Variants in ATRNL1 observed in about 807,000 individuals in gnomAD.
ATRNL1 encodes the protein attractin like 1.
In ATRNL1, 95 loss-of-function variants were observed where a neutral mutation model predicts 182.7. The ratio of observed to expected loss-of-function variants is 0.52; its 90% CI spans 0.44 to 0.62. The LOEUF (loss-of-function observed/expected upper bound fraction) is 0.62, where lower values mean the gene tolerates loss of function less well. ATRNL1 is among the 20% of genes least tolerant of loss of function. The probability of loss-of-function intolerance (pLI) is 0.00; values close to 1 mark genes in which losing one functional copy is unlikely to be tolerated. For synonymous variants in ATRNL1, 576 were observed against 568.3 expected, an observed-to-expected ratio of 1.01 and a Z score of -0.19; for missense variants, 1,471 against 1,679.5, an observed-to-expected ratio of 0.88 and a Z score of 2.17.
intron 21 of ATRNL1, among the ~76,000 whole-genome samples, chr10:115,445,652 G>A (rs1554966586): frequency 1.3e-5 from 2 of 151,740 alleles, no homozygotes; most frequent in African/African-American, 4.8e-5. Context: ...ATTTTAAAGT[G>A]TACAATTCAG....
chr10:115,514,447 T>C (rs1035830246), intron 24 of ATRNL1, among the ~76,000 whole-genome samples: 1 of 149,768 alleles, frequency 6.7e-6, no homozygotes, highest in African/African-American at 2.5e-5. Flanking sequence ...TCTGGCTACT[T>C]TATTTATTCA....
chr10:115,643,405 G>A (rs1555031176), intron 26 of ATRNL1, among the ~76,000 whole-genome samples: 1 of 152,058 alleles, frequency 6.6e-6, no homozygotes, highest in African/African-American at 2.4e-5. Flanking sequence ...GAAAATCTTT[G>A]TGACCTGGAC....
intron 27 of ATRNL1, among the ~76,000 whole-genome samples, chr10:115,798,156 A>G (rs931490026): frequency 7.9e-5 from 12 of 152,046 alleles, no homozygotes; most frequent in African/African-American, 2.9e-4. Context: ...TGACCTTGTG[A>G]TCCGCCCACC....
intron 24 of ATRNL1, among the ~76,000 whole-genome samples, chr10:115,490,105 A>C (rs1033426992): frequency 3.9e-5 from 6 of 152,082 alleles, no homozygotes; most frequent in Non-Finnish European, 8.8e-5. Context: ...TGTTAGTCTG[A>C]TGGGCTTCCC....
intron 28 of ATRNL1, among the ~76,000 whole-genome samples, chr10:115,881,848 C>A (rs921691809): frequency 2.6e-4 from 40 of 152,196 alleles, no homozygotes; most frequent in African/African-American, 8.9e-4. Context: ...GCTCATCAAT[C>A]TGCTCCAGGA....
chr10:115,424,720 A>C (rs1845805460), intron 20 of ATRNL1, among the ~76,000 whole-genome samples: 1 of 152,138 alleles, frequency 6.6e-6, no homozygotes, highest in South Asian at 2.1e-4. Flanking sequence ...CTCTAAAAAG[A>C]CTGATCTCAT....
At chr10:115,131,467 C>T (rs1326172136) in intron 5 of ATRNL1, among the ~76,000 whole-genome samples, 1 of 152,054 alleles carries the variant, frequency 6.6e-6, no homozygotes, top group African/African-American at 2.4e-5. Flanking sequence ...GTGCCTCAAA[C>T]TGATCCTGAT....
chr10:115,758,960 A>G (rs1244578213), intron 27 of ATRNL1, among the ~76,000 whole-genome samples: 1 of 152,232 alleles, frequency 6.6e-6, no homozygotes, highest in Non-Finnish European at 1.5e-5. Flanking sequence ...TTATAAAAAA[A>G]CTTTTGGTTA....
chr10:115,657,311 A>T (rs1555036249), intron 26 of ATRNL1, among the ~76,000 whole-genome samples: 1 of 152,202 alleles, frequency 6.6e-6, no homozygotes, highest in African/African-American at 2.4e-5. Flanking sequence ...ATGGCTACAG[A>T]TGCTGACAAA....
chr10:115,688,631 T>G (rs1433624180), intron 26 of ATRNL1, among the ~76,000 whole-genome samples: 2 of 152,140 alleles, frequency 1.3e-5, no homozygotes, highest in Non-Finnish European at 2.9e-5. Context: ...AAACAACTAT[T>G]CGTGTCCTTT....
chr10:115,551,848 A>G (rs962734137), intron 26 of ATRNL1, among the ~76,000 whole-genome samples: 1 of 151,454 alleles, frequency 6.6e-6, no homozygotes, highest in Admixed American at 6.6e-5. Context: ...GTCAAAGACA[A>G]TTGCAGTCCA....
intron 26 of ATRNL1, among the ~76,000 whole-genome samples, chr10:115,682,851 T>C (rs1555045147): frequency 1.3e-5 from 2 of 152,108 alleles, no homozygotes; most frequent in Non-Finnish European, 1.5e-5. Context: ...CATTTTTAAG[T>C]ATCACAACAG....
intron 19 of ATRNL1, among the ~76,000 whole-genome samples, chr10:115,337,811 AT>A (rs1855564059): frequency 6.6e-6 from 1 of 152,054 alleles, no homozygotes; most frequent in African/African-American, 2.4e-5. Context: ...AGTCCCCAAC[AT>A]TTTTGGCATC....
chr10:115,781,467 T>C (rs1233853270), intron 27 of ATRNL1, among the ~76,000 whole-genome samples: 5 of 152,234 alleles, frequency 3.3e-5, no homozygotes, highest in African/African-American at 1.2e-4. Context: ...TACATTTTAG[T>C]ATAGTCACAT....
At chr10:115,742,267 A>G (rs1298656647) in intron 27 of ATRNL1, among the ~76,000 whole-genome samples, 1 of 152,142 alleles carries the variant, frequency 6.6e-6, no homozygotes, top group East Asian at 1.9e-4. Context: ...TATTCAAGGG[A>G]AAAAATGTAT....
At position 115,448,854 on chromosome 10, in the gene ATRNL1, C is replaced by CCAACAACAACAA. The variant is rs3981286; in HGVS notation, c.3323-13059_3323-13048dup. Among the ~76,000 whole-genome samples the CCAACAACAACAA allele has an allele frequency of 3.9e-3, 584 of 150,212 alleles. 5 individuals are homozygous for CCAACAACAACAA. The highest frequency in any genetic ancestry group is 0.013 in the African/African-American group (542 of 40,746). Reference sequence around the variant, plus strand: ...TTGCTCCAATGTAATAGCGTGCCAACCAACAACAACAACAACAACAACAAC... The same window carrying CCAACAACAACAA: ...TTGCTCCAATGTAATAGCGTGCCAACCAACAACAACAACAACAACAACAACAACAACAACAAC... On this transcript the variant is annotated intron_variant, in intron 21 of 28. Coordinates refer to ENST00000355044, the MANE Select transcript of ATRNL1 (RefSeq NM_207303.4).
intron 26 of ATRNL1, among the ~76,000 whole-genome samples, chr10:115,720,110 G>A (rs193173038): frequency 9.3e-4 from 142 of 152,120 alleles, no homozygotes; most frequent in African/African-American, 3.2e-3. Context: ...TGATCTGCCC[G>A]CCTTGGCCTC....
intron 25 of ATRNL1, among the ~76,000 whole-genome samples, chr10:115,537,489 C>T (rs1391108721): frequency 1.3e-5 from 2 of 152,122 alleles, no homozygotes; most frequent in African/African-American, 4.8e-5. Flanking sequence ...AACATCAGTT[C>T]TAACTTCTTT....
chr10:115,796,715 A>G (rs1353389587), intron 27 of ATRNL1, among the ~76,000 whole-genome samples: 1 of 152,236 alleles, frequency 6.6e-6, no homozygotes, highest in Non-Finnish European at 1.5e-5. Context: ...AAAGTAAATC[A>G]TAAGCAGTTT....
Sources: gnomAD v4.1 joint callset for allele counts (sites outside exome capture counted in the v4.1 genomes callset) on GRCh38, gnomAD v4.1.1 for gene constraint, MANE v1.5 for transcripts, NCBI Gene and HGNC (gene_info 2026-07-23, HGNC 2026-07-21) for gene names.